Variants in GLMN observed in about 807,000 individuals in gnomAD.
GLMN encodes the protein glomulin, FKBP associated protein.
In GLMN, 75 loss-of-function variants were observed where a neutral mutation model predicts 87.8. The observed-to-expected ratio is 0.85, with a 90% CI of 0.71 to 1.04. The LOEUF (loss-of-function observed/expected upper bound fraction) is 1.04. GLMN is among the 50% of genes least tolerant of loss of function. GLMN has a pLI of 0.00. For missense variants in GLMN, 588 were observed against 658.8 expected, an observed-to-expected ratio of 0.89 and a Z score of 1.18; for synonymous variants, 206 against 221.6, an observed-to-expected ratio of 0.93 and a Z score of 0.63.
chr1:92,338,218 T>G, the GLMN span, among the ~76,000 whole-genome samples: 2 of 152,206 alleles, frequency 1.3e-5, no homozygotes, highest in South Asian at 4.1e-4. Flanking sequence ...ATGATATGAT[T>G]GTTCTAATTA....
the GLMN span, among the ~76,000 whole-genome samples, chr1:92,321,747 A>G: frequency 2.6e-5 from 4 of 152,060 alleles, no homozygotes; most frequent in African/African-American, 9.7e-5. Flanking sequence ...AATATCTTTT[A>G]TTGAAAAATG....
At chr1:92,360,017 A>G in the GLMN span, among the ~76,000 whole-genome samples, 2 of 152,074 alleles carry the variant, frequency 1.3e-5, no homozygotes, top group African/African-American at 4.8e-5. Context: ...GTAGTGTTCC[A>G]CTCACCAACG....
chr1:92,267,793 T>C (rs1346498822), intron 11 of GLMN, 120 bp downstream of exon 11: 5 of 713,218 alleles, frequency 7.0e-6, no homozygotes, highest in Non-Finnish European at 1.3e-5. Context: ...TGGACAGCAT[T>C]ACACCAGAGT....
the GLMN span, among the ~76,000 whole-genome samples, chr1:92,309,536 C>T: frequency 6.6e-6 from 1 of 150,900 alleles, no homozygotes; most frequent in African/African-American, 2.4e-5. Context: ...TGGCAGGCTA[C>T]ACACATACAC....
chr1:92,266,584 C>A, intron 12 of GLMN, 92 bp from the exon 13 acceptor site: 1 of 1,018,294 alleles, frequency 9.8e-7, no homozygotes, highest in Non-Finnish European at 1.5e-6. Flanking sequence ...TACATCCACA[C>A]TTGTACCTCC....
At chr1:92,289,392 T>C (rs541411958) in intron 5 of GLMN, among the ~76,000 whole-genome samples, 4 of 152,358 alleles carry the variant, frequency 2.6e-5, no homozygotes, top group South Asian at 2.1e-4. Flanking sequence ...TAACAGGCTA[T>C]GTACTTAAGA....
chr1:92,324,488 GTTTC>G, the GLMN span: 1 of 792,880 alleles, frequency 1.3e-6, no homozygotes, highest in Non-Finnish European at 2.0e-6. Flanking sequence ...TTTTCAAATA[GTTTC>G]TTTAGTCATT....
the GLMN span, among the ~76,000 whole-genome samples, chr1:92,337,353 T>C: frequency 6.6e-6 from 1 of 152,160 alleles, no homozygotes; most frequent in Admixed American, 6.5e-5. Context: ...ATAGACATCA[T>C]TTTAAACTGG....
intron 7 of GLMN, among the ~76,000 whole-genome samples, chr1:92,280,813 T>C (rs184179164): frequency 6.6e-6 from 1 of 152,252 alleles, no homozygotes; most frequent in African/African-American, 2.4e-5. Flanking sequence ...GAGAACTTCA[T>C]GACGCATGCA....
chr1:92,309,612 C>G, the GLMN span, among the ~76,000 whole-genome samples: 1 of 147,064 alleles, frequency 6.8e-6, no homozygotes, highest in Non-Finnish European at 1.5e-5. Flanking sequence ...TACACATACA[C>G]ATACACATAC....
chr1:92,295,895 T>C (rs370040022), intron 3 of GLMN, among the ~76,000 whole-genome samples: 24 of 152,356 alleles, frequency 1.6e-4, no homozygotes, highest in East Asian at 1.2e-3. Flanking sequence ...ATTTTTTTAT[T>C]ATTAGCTGAA....
At chr1:92,300,162 T>G (rs1432724316), upstream of GLMN, 1 of 1,517,044 alleles carries the variant, frequency 6.6e-7, no homozygotes, top group African/African-American at 1.4e-5. Flanking sequence ...GGAAATGTCA[T>G]TATGTAGCAC....
chr1:92,313,858 T>C, the GLMN span, among the ~76,000 whole-genome samples: 2 of 152,234 alleles, frequency 1.3e-5, no homozygotes, highest in Non-Finnish European at 2.9e-5. Context: ...TCAGCACTTG[T>C]GGCTTCACCT....
Position 92,289,124 on chromosome 1 carries a change from T to C in GLMN, c.422A>G (p.Tyr141Cys), listed in dbSNP as rs755222345. The C allele has an allele frequency of 1.2e-6, 2 of 1,602,064 alleles. No homozygotes were observed. Among genetic ancestry groups the C allele is most frequent in the Admixed American group, 1.7e-5 (1 of 60,002 alleles). ...TVIQKLHNKA[Y>C]SIGLALSTLW... is the part of the protein sequence containing the mutation. ...GGTAGACAATGCTAATCCAATTGAA[T>C]ATGCCTTGTTATGAAGTTTCTGAAT... The change falls in exon 6 of 19, where the codon TAT (tyrosine) becomes TGT (cysteine). Residue 141 changes from tyrosine to cysteine, a missense_variant. Tyr to Cys is a radical substitution (Grantham distance 194). Coordinates refer to ENST00000370360, the MANE Select transcript of GLMN (RefSeq NM_053274.3).
chr1:92,298,540 T>C (rs1650441518), intron 1 of GLMN, among the ~76,000 whole-genome samples: 1 of 152,204 alleles, frequency 6.6e-6, no homozygotes, highest in African/African-American at 2.4e-5. Flanking sequence ...AAGATTCAGA[T>C]GCCCTCCATT....
intron 1 of GLMN, among the ~76,000 whole-genome samples, chr1:92,298,375 T>A (rs893638185): frequency 6.6e-6 from 1 of 152,038 alleles, no homozygotes; most frequent in South Asian, 2.1e-4. Context: ...ATATACGAAC[T>A]AAAGGGCTTT....
the GLMN span, among the ~76,000 whole-genome samples, chr1:92,360,442 A>G: frequency 1.3e-5 from 2 of 152,176 alleles, no homozygotes; most frequent in African/African-American, 4.8e-5. Flanking sequence ...GCAAAAGCAG[A>G]AAGGAGAGGG....
the GLMN span, chr1:92,320,568 C>T: frequency 5.6e-6 from 9 of 1,604,968 alleles, no homozygotes; most frequent in Non-Finnish European, 5.1e-6. Flanking sequence ...CCGCACCCGG[C>T]CTAATTTTTA....
chr1:92,308,726 A>G, the GLMN span, among the ~76,000 whole-genome samples: 1 of 152,182 alleles, frequency 6.6e-6, no homozygotes, highest in African/African-American at 2.4e-5. Context: ...TTGAGAAGCC[A>G]AGGTGGGTGG....
Sources: allele counts gnomAD v4.1 joint callset (sites outside exome capture counted in the v4.1 genomes callset), GRCh38; gene constraint gnomAD v4.1.1; transcripts MANE v1.5; gene names NCBI Gene and HGNC (gene_info 2026-07-23, HGNC 2026-07-21).